NCOA7: variants seen among roughly 807,000 people sequenced by gnomAD.
NCOA7 encodes the protein 140 kDa estrogen receptor-associated protein.
In NCOA7, 45 loss-of-function variants were observed where a neutral mutation model predicts 104.3. The ratio of observed to expected loss-of-function variants is 0.43; its 90% confidence interval spans 0.34 to 0.55. The LOEUF (loss-of-function observed/expected upper bound fraction) is 0.55. NCOA7 is among the 20% of genes least tolerant of loss of function. The pLI, the probability that NCOA7 is intolerant of heterozygous loss-of-function variation, is 0.02. For synonymous variants in NCOA7, 398 were observed against 402.3 expected (o/e 0.99, Z 0.13); for missense variants, 1,041 against 1,119.7 (o/e 0.93, Z 1.00).
At chr6:125,807,076 C>T (rs1287661575) in intron 1 of NCOA7, among the ~76,000 whole-genome samples, 1 of 152,170 alleles carries the variant, frequency 6.6e-6, no homozygotes, top group Non-Finnish European at 1.5e-5. Context: ...GCACCTACCT[C>T]TCAGACAGTT....
At position 125,928,689 on chromosome 6, in the gene NCOA7, C is replaced by T; in HGVS notation, c.2747C>T (p.Ser916Phe). ...DADLYHGRSN[S>F]CSTFNNDILS... ...GATTTATACCACGGACGAAGCAACT[C>T]TTGCAGCACTTTCAATAATGATATT... is the stretch of plus-strand genomic sequence containing the variant. The change falls in exon 16 of 16, where the codon TCT becomes TTT. Residue 916 changes from serine (S) to phenylalanine (F), a missense_variant. By Grantham distance (155) the Ser-to-Phe change is radical. Coordinates refer to ENST00000392477, the MANE Select transcript of NCOA7 (RefSeq NM_181782.5). 1 of 1,612,796 alleles carries T rather than the reference C, an allele frequency of 6.2e-7. No individual in the cohort carries two copies. The highest frequency in any genetic ancestry group is 8.5e-7 in the Non-Finnish European group (1 of 1,179,680).
At chr6:125,818,472 G>A (rs543600020) in intron 2 of NCOA7, among the ~76,000 whole-genome samples, 11 of 152,266 alleles carry the variant, frequency 7.2e-5, no homozygotes, top group African/African-American at 2.6e-4. Context: ...GTGGCACAAG[G>A]ATGAAATCAG....
chr6:125,879,422 C>T (rs1783637858), intron 5 of NCOA7, among the ~76,000 whole-genome samples: 1 of 152,204 alleles, frequency 6.6e-6, no homozygotes, highest in Non-Finnish European at 1.5e-5. Flanking sequence ...TATATGGAAA[C>T]TCAGAGTCAC....
Position 125,888,966 on chromosome 6 carries a change from G to C in NCOA7, c.912G>C (p.Leu304=). 3.1e-6 allele frequency: 5 copies of C among 1,613,516 alleles called. No individual in the cohort carries two copies. The highest frequency in any genetic ancestry group is 3.4e-6 in the Non-Finnish European group (4 of 1,179,726). Reference sequence around the variant, plus strand: ...ACCTACCTCAGGATCTTTGTCCTCTGTACAGGCCTGGAGAATGGGAAGACC... The same window carrying C: ...ACCTACCTCAGGATCTTTGTCCTCTCTACAGGCCTGGAGAATGGGAAGACC... ...PSDLPQDLCP[L]YRPGEWEDLA... The change falls in exon 9 of 16, where the codon CTG becomes CTC. Residue 304 remains leucine, a synonymous_variant. Transcript: ENST00000392477.
intron 1 of NCOA7, among the ~76,000 whole-genome samples, chr6:125,783,015 C>T (rs1231252426): frequency 6.6e-6 from 1 of 152,202 alleles, no homozygotes; most frequent in Non-Finnish European, 1.5e-5. Context: ...CTGGCCATTG[C>T]TGCCTTTGAA....
intron 2 of NCOA7, among the ~76,000 whole-genome samples, chr6:125,850,801 C>T (rs1781057511): frequency 6.6e-6 from 1 of 152,134 alleles, no homozygotes; most frequent in Non-Finnish European, 1.5e-5. Flanking sequence ...CAGAATCAGC[C>T]CATCATTTTG....
chr6:125,901,648 A>C (rs956409511), intron 10 of NCOA7, among the ~76,000 whole-genome samples: 3 of 152,306 alleles, frequency 2.0e-5, no homozygotes, highest in East Asian at 1.9e-4. Flanking sequence ...ATAGGTTACA[A>C]ACAGTGCTCT....
At chr6:125,836,759 A>G (rs1000423363) in intron 2 of NCOA7, among the ~76,000 whole-genome samples, 1 of 152,240 alleles carries the variant, frequency 6.6e-6, no homozygotes, top group African/African-American at 2.4e-5. Context: ...GTACACATCT[A>G]TGAGAAATTA....
intron 10 of NCOA7, among the ~76,000 whole-genome samples, chr6:125,908,698 G>A (rs541755773): frequency 6.6e-6 from 1 of 152,268 alleles, no homozygotes; most frequent in African/African-American, 2.4e-5. Context: ...CAAACAGGGT[G>A]TACTCAGTCA....
chr6:125,861,275 T>C (rs1782026863), intron 3 of NCOA7, among the ~76,000 whole-genome samples: 1 of 152,178 alleles, frequency 6.6e-6, no homozygotes, highest in Admixed American at 6.5e-5. Flanking sequence ...ATACACAGAT[T>C]ACTTTTTCTT....
At chr6:125,838,600 A>AG (rs755806075) in intron 2 of NCOA7, among the ~76,000 whole-genome samples, 29 of 152,142 alleles carry the variant, frequency 1.9e-4, no homozygotes, top group Non-Finnish European at 3.5e-4. Context: ...CCTTCACTAG[A>AG]GGTGTTCTCT....
At chr6:125,903,470 A>G (rs1785682640) in intron 10 of NCOA7, among the ~76,000 whole-genome samples, 1 of 152,192 alleles carries the variant, frequency 6.6e-6, no homozygotes, top group African/African-American at 2.4e-5. Context: ...TCTTCCTGCT[A>G]AAGCTATGAA....
chr6:125,878,605 G>A (rs1461565634), intron 5 of NCOA7, among the ~76,000 whole-genome samples: 2 of 152,052 alleles, frequency 1.3e-5, no homozygotes, highest in Non-Finnish European at 2.9e-5. Context: ...AATCCCCTGG[G>A]CTCAAGCAAT....
intron 7 of NCOA7, among the ~76,000 whole-genome samples, chr6:125,883,122 GTTGC>G (rs925821235): frequency 1.2e-4 from 19 of 152,196 alleles, no homozygotes; most frequent in Non-Finnish European, 1.9e-4. Context: ...TTTTTTGGTT[GTTGC>G]TTGATTGTTT....
At chr6:125,925,966 A>G (rs567221804) in intron 13 of NCOA7, among the ~76,000 whole-genome samples, 5 of 152,282 alleles carry the variant, frequency 3.3e-5, no homozygotes, top group African/African-American at 7.2e-5. Context: ...TAATTCCCCA[A>G]TATCATCCAG....
intron 11 of NCOA7, among the ~76,000 whole-genome samples, chr6:125,918,641 T>C (rs1787287771): frequency 6.6e-6 from 1 of 152,184 alleles, no homozygotes; most frequent in Non-Finnish European, 1.5e-5. Flanking sequence ...ATCCTGCTTA[T>C]TAGTCATTAA....
intron 2 of NCOA7, among the ~76,000 whole-genome samples, chr6:125,818,616 A>G (rs963811198): frequency 4.6e-5 from 7 of 152,310 alleles, no homozygotes; most frequent in African/African-American, 1.7e-4. Flanking sequence ...ACTGACTGAC[A>G]AACCTGTAGT....
chr6:125,828,161 T>C (rs992254202), intron 2 of NCOA7, among the ~76,000 whole-genome samples: 2 of 152,012 alleles, frequency 1.3e-5, no homozygotes, highest in African/African-American at 4.8e-5. Context: ...AACTAAAGAA[T>C]GGGAACAGAA....
Position 125,878,295 on chromosome 6 carries a change from A to T in NCOA7, c.384A>T (p.Ala128=), listed in dbSNP as rs1408019957. 1 of 1,612,750 alleles carries T rather than the reference A, an allele frequency of 6.2e-7. No homozygotes were observed. The highest frequency in any genetic ancestry group is 1.3e-5 in the African/African-American group (1 of 74,880). Residue 128 remains alanine, a synonymous_variant, in exon 5 of 16, where the codon GCA becomes GCT. Transcript: ENST00000392477. ...AGNQDTLNSI[A]LKFNITPNKL... ...ACCAGGACACCCTAAACTCCATAGC[A>T]CTGAAATTTAACATCACTCCCAATA... is the stretch of plus-strand genomic sequence containing the variant.
Sources: allele counts gnomAD v4.1 joint callset (sites outside exome capture counted in the v4.1 genomes callset), GRCh38; gene constraint gnomAD v4.1.1; transcripts MANE v1.5; gene names NCBI Gene and HGNC (gene_info 2026-07-23, HGNC 2026-07-21).